MAP3K5: variants seen among roughly 807,000 people sequenced by gnomAD.
MAP3K5 encodes mitogen-activated protein kinase kinase kinase 5.
MAP3K5 carries 56 observed loss-of-function variants against 158.7 expected under a neutral mutation model. The observed-to-expected ratio is 0.35, with a 90% CI of 0.28 to 0.44. The LOEUF is 0.44. MAP3K5 is among the 20% of genes least tolerant of loss of function. MAP3K5 has a pLI of 1.00. For synonymous variants in MAP3K5, 579 were observed against 601.7 expected, an observed-to-expected ratio of 0.96 and a Z score of 0.55; for missense variants, 1,294 against 1,674.8, an observed-to-expected ratio of 0.77 and a Z score of 3.97.
chr6:136,728,443 G>T (rs1273976903), intron 1 of MAP3K5, among the ~76,000 whole-genome samples: 1 of 152,118 alleles, frequency 6.6e-6, no homozygotes. Flanking sequence ...CTGTTATACA[G>T]CTAGGAATGT....
At chr6:136,731,114 C>G (rs934316990) in intron 1 of MAP3K5, among the ~76,000 whole-genome samples, 1 of 152,072 alleles carries the variant, frequency 6.6e-6, no homozygotes, top group Non-Finnish European at 1.5e-5. Flanking sequence ...ATGGCGCACG[C>G]CTTGGAGAGG....
chr6:136,730,952 T>C (rs897840497), intron 1 of MAP3K5, among the ~76,000 whole-genome samples: 2 of 152,176 alleles, frequency 1.3e-5, no homozygotes, highest in Admixed American at 6.5e-5. Context: ...AAGCATGCTA[T>C]GTAGAAACAA....
intron 24 of MAP3K5, among the ~76,000 whole-genome samples, chr6:136,582,996 A>C (rs1383043200): frequency 1.3e-5 from 2 of 152,226 alleles, no homozygotes; most frequent in Non-Finnish European, 2.9e-5. Context: ...TCATTAGATC[A>C]TGTGCTTTAA....
chr6:136,558,749 G>T, intron 29 of MAP3K5, 51 bp downstream of exon 29: 1 of 1,182,384 alleles, frequency 8.5e-7, no homozygotes, highest in Non-Finnish European at 1.3e-6. Context: ...CAGACTTTTT[G>T]ATATTTGCCT....
intron 15 of MAP3K5, among the ~76,000 whole-genome samples, chr6:136,620,232 T>C (rs1776742518): frequency 6.6e-6 from 1 of 152,132 alleles, no homozygotes; most frequent in Non-Finnish European, 1.5e-5. Context: ...ATGGGGCCAC[T>C]GCACTCTAGC....
At position 136,728,565 on chromosome 6, in the gene MAP3K5, T is replaced by C. The variant is rs77388191; in HGVS notation, c.449-7976A>G. Reference sequence around the variant, plus strand: ...CTCTTTTAGCTTCATCAGCCTCCCTTTAATTTCTTGTGTGTTATTTGGTTA... The same window carrying C: ...CTCTTTTAGCTTCATCAGCCTCCCTCTAATTTCTTGTGTGTTATTTGGTTA... On this transcript the variant is annotated intron_variant, in intron 1 of 29. Transcript: ENST00000359015. Among the ~76,000 whole-genome samples the C allele has an allele frequency of 2.7e-3, 407 of 152,308 alleles. 5 individuals carry two copies. Among genetic ancestry groups the C allele is most frequent in the East Asian group, 0.022 (114 of 5,186 alleles).
Position 136,637,370 on chromosome 6 carries a change from C to A in MAP3K5, c.1971G>T (p.Lys657Asn). The A allele has an allele frequency of 6.2e-7, 1 of 1,612,406 alleles. No homozygotes were observed. The highest frequency in any genetic ancestry group is 8.5e-7 in the Non-Finnish European group (1 of 1,178,460). ...AGTCTCCTTCCTCTGTGCTTCTCCC[C>A]TTCTCTTCGGTAATGGTGTTCACCA... ...FEMVNTITEE[K>N]GRSTEEGDCE... is the part of the protein sequence containing the mutation. Residue 657 changes from lysine (K) to asparagine (N), a missense_variant, in exon 14 of 30, where the codon AAG becomes AAT. By Grantham distance (94) the Lys-to-Asn change is moderately conservative. Coordinates refer to ENST00000359015, the MANE Select transcript of MAP3K5 (RefSeq NM_005923.4).
intron 19 of MAP3K5, among the ~76,000 whole-genome samples, chr6:136,603,424 C>T (rs769497823): frequency 3.2e-4 from 48 of 151,520 alleles, no homozygotes; most frequent in Admixed American, 2.1e-3. Context: ...GTGATCTGCC[C>T]GCCTCAGCCT....
intron 1 of MAP3K5, among the ~76,000 whole-genome samples, chr6:136,778,412 G>T (rs1272207019): frequency 6.6e-6 from 1 of 152,044 alleles, no homozygotes; most frequent in Non-Finnish European, 1.5e-5. Context: ...TACTCCCTCA[G>T]ATTTTTTACT....
At chr6:136,582,194 T>C (rs953744067) in intron 24 of MAP3K5, among the ~76,000 whole-genome samples, 5 of 151,962 alleles carry the variant, frequency 3.3e-5, no homozygotes, top group African/African-American at 1.2e-4. Flanking sequence ...GGCCCATACT[T>C]TGGGTTCATT....
chr6:136,671,869 G>T (rs111590859), intron 7 of MAP3K5, among the ~76,000 whole-genome samples: 16 of 151,170 alleles, frequency 1.1e-4, no homozygotes, highest in Non-Finnish European at 2.1e-4. Flanking sequence ...CAGGTGATCC[G>T]CCCACCTCGG....
At chr6:136,704,316 C>T (rs1296702200) in intron 3 of MAP3K5, among the ~76,000 whole-genome samples, 2 of 151,986 alleles carry the variant, frequency 1.3e-5, no homozygotes, top group Admixed American at 6.5e-5. Flanking sequence ...ACTGGAGAGA[C>T]GATCTAGAAA....
chr6:136,571,499 T>C (rs910349612), intron 25 of MAP3K5, among the ~76,000 whole-genome samples: 1 of 152,210 alleles, frequency 6.6e-6, no homozygotes, highest in African/African-American at 2.4e-5. Flanking sequence ...TGGAATCATA[T>C]ACTATTTGTC....
At chr6:136,659,075 TATGA>T (rs765571712) in intron 9 of MAP3K5, 140 bp downstream of exon 9, 13 of 771,322 alleles carry the variant, frequency 1.7e-5, no homozygotes, top group Admixed American at 5.8e-5. Context: ...TAACACGTTT[TATGA>T]ATATCACAAT....
At chr6:136,789,121 C>A (rs1212331358) in intron 1 of MAP3K5, among the ~76,000 whole-genome samples, 1 of 152,078 alleles carries the variant, frequency 6.6e-6, no homozygotes, top group East Asian at 1.9e-4. Context: ...CATAGCAAGA[C>A]CCCGTCTCTA....
rs773024110 is a variant in MAP3K5, at chr6:136,583,633, T to C, written c.3333A>G (p.Ser1111=). The C allele has an allele frequency of 1.2e-6, 2 of 1,614,244 alleles. No individual in the cohort carries two copies. The highest frequency in any genetic ancestry group is 1.7e-6 in the Non-Finnish European group (2 of 1,180,038). Residue 1111 remains serine, a synonymous_variant, in exon 24 of 30, where the codon TCA becomes TCG. Transcript: ENST00000359015. ...CGAAGTCCAGCTCCAGTTTCAGCTT[T>C]GACAGTGTGGTGGCTATGATTTTTC... The part of the protein sequence containing the change: ...TDRKIIATTL[S]KLKLELDFDS...
At chr6:136,704,665 C>T (rs1583449074) in intron 3 of MAP3K5, among the ~76,000 whole-genome samples, 1 of 152,162 alleles carries the variant, frequency 6.6e-6, no homozygotes, top group Admixed American at 6.5e-5. Context: ...CCTGCCTCAG[C>T]CTCCTGAGTA....
At chr6:136,675,611 G>A (rs1194318369) in intron 7 of MAP3K5, among the ~76,000 whole-genome samples, 1 of 151,992 alleles carries the variant, frequency 6.6e-6, no homozygotes, top group African/African-American at 2.4e-5. Flanking sequence ...GGTAATGAAA[G>A]TCTAATAGAT....
intron 23 of MAP3K5, among the ~76,000 whole-genome samples, chr6:136,585,459 C>CCTTCT (rs1775085343): frequency 7.7e-6 from 1 of 130,702 alleles, no homozygotes; most frequent in Non-Finnish European, 1.6e-5. Context: ...ATATTGCTTC[C>CCTTCT]TTTCTTTTCT....
Sources: allele counts gnomAD v4.1 joint callset (sites outside exome capture counted in the v4.1 genomes callset), GRCh38; gene constraint gnomAD v4.1.1; transcripts MANE v1.5; gene names NCBI Gene and HGNC (gene_info 2026-07-23, HGNC 2026-07-21).